The following JARID2 variants were observed in gnomAD, a reference collection of about 807,000 sequenced individuals.
JARID2 encodes protein Jumonji.
A neutral mutation model predicts 125.6 loss-of-function variants in JARID2; 21 were observed. The ratio of observed to expected loss-of-function variants is 0.17; its 90% CI spans 0.12 to 0.24. The LOEUF (loss-of-function observed/expected upper bound fraction) is 0.24. Among genes scored for constraint, JARID2 ranks in the 10% least tolerant of loss-of-function variants. JARID2 has a pLI of 1.00. For missense variants in JARID2, 1,303 were observed against 1,639.6 expected (o/e 0.79, Z 3.55); for synonymous variants, 736 against 661.6 (o/e 1.11, Z -1.73).
At chr6:15,453,576 G>A (rs1021359168) in intron 4 of JARID2, among the ~76,000 whole-genome samples, 3 of 152,192 alleles carry the variant, frequency 2.0e-5, no homozygotes, top group African/African-American at 7.2e-5. Context: ...CAGTGTATAA[G>A]TGTTAAGAGA....
chr6:15,461,574 C>T (rs1279368945), intron 4 of JARID2, among the ~76,000 whole-genome samples: 6 of 152,148 alleles, frequency 3.9e-5, no homozygotes, highest in Non-Finnish European at 7.3e-5. Flanking sequence ...CATTTTCATC[C>T]CCTGTCTCCC....
chr6:15,423,104 A>G (rs1413802724), intron 3 of JARID2, among the ~76,000 whole-genome samples: 1 of 150,818 alleles, frequency 6.6e-6, no homozygotes, highest in South Asian at 2.1e-4. Context: ...GGTGCAAGTG[A>G]TCCTCCTGTC....
chr6:15,448,069 A>G (rs1767752480), intron 3 of JARID2, among the ~76,000 whole-genome samples: 1 of 152,222 alleles, frequency 6.6e-6, no homozygotes, highest in African/African-American at 2.4e-5. Flanking sequence ...GCCACACTGC[A>G]GACCTACCCT....
chr6:15,472,512 C>T (rs185304289), intron 5 of JARID2, among the ~76,000 whole-genome samples: 1 of 152,290 alleles, frequency 6.6e-6, no homozygotes, highest in Admixed American at 6.5e-5. Context: ...CTGCCCCCAA[C>T]CTCCAAGTGT....
In JARID2 at chr6:15,252,751, CTT is replaced by C. The variant is rs1431496859; in HGVS notation, c.45+6169_45+6170del. 5.2e-4 allele frequency among the ~76,000 whole-genome samples: 73 copies of C among 141,724 alleles called. 1 individual carries two copies. The East Asian group carries it at 0.014, about 28-fold the overall frequency. The allele number at this position is 141,724 out of a possible 152,430, so 93.0% of individuals were successfully genotyped here. A position where few individuals can be genotyped will look rare whatever the true frequency, so the allele number is the denominator to read the frequency against. ...TCTGTTTTTTCATGTGCTCAATTAT[CTT>C]TCGTTTTTTTTCCGTCCTCCAGATA... On this transcript the variant is annotated intron_variant, in intron 1 of 17. Transcript: ENST00000341776.
At chr6:15,407,628 C>T (rs180934522) in intron 2 of JARID2, among the ~76,000 whole-genome samples, 4 of 152,208 alleles carry the variant, frequency 2.6e-5, no homozygotes, top group Non-Finnish European at 5.9e-5. Flanking sequence ...TATAGCTCTT[C>T]TTCCTCCTTG....
In JARID2 at chr6:15,255,035, AC is replaced by A. The variant is rs200300663; in HGVS notation, c.45+8452del. ...AAACAAAACAAAAAACAAAAAAAAAACACCACAAAAACACACAAAAACAACC... is the reference window on the plus strand; with the variant it reads ...AAACAAAACAAAAAACAAAAAAAAAAACCACAAAAACACACAAAAACAACC... On this transcript the variant is annotated intron_variant, in intron 1 of 17. Coordinates refer to ENST00000341776, the MANE Select transcript of JARID2 (RefSeq NM_004973.4). 2.8e-3 allele frequency among the ~76,000 whole-genome samples: 421 copies of A among 151,786 alleles called. 2 individuals carry two copies. The highest frequency in any genetic ancestry group is 7.2e-3 in the African/African-American group (297 of 41,410).
At chr6:15,263,948 C>G (rs549413247) in intron 1 of JARID2, among the ~76,000 whole-genome samples, 3 of 152,126 alleles carry the variant, frequency 2.0e-5, no homozygotes, top group East Asian at 1.9e-4. Flanking sequence ...ACTGGAGTGC[C>G]GTGACGTGAA....
chr6:15,313,779 T>A (rs794792), intron 1 of JARID2, among the ~76,000 whole-genome samples: 14,897 of 152,204 alleles, frequency 0.098, 912 homozygotes, highest in Non-Finnish European at 0.13. Context: ...AGAAAATGAA[T>A]TTCTTCTTAC....
At chr6:15,250,333 T>C (rs1285425040) in intron 1 of JARID2, among the ~76,000 whole-genome samples, 2 of 152,220 alleles carry the variant, frequency 1.3e-5, no homozygotes, top group Non-Finnish European at 2.9e-5. Flanking sequence ...GGTTTTTTGT[T>C]TTAAAACTTA....
intron 1 of JARID2, among the ~76,000 whole-genome samples, chr6:15,270,414 G>C (rs571335023): frequency 2.0e-5 from 3 of 152,156 alleles, no homozygotes; most frequent in Non-Finnish European, 4.4e-5. Context: ...TTACAGGCAC[G>C]AGCCACTGCA....
intron 1 of JARID2, among the ~76,000 whole-genome samples, chr6:15,340,334 T>C (rs558709652): frequency 6.6e-6 from 1 of 152,342 alleles, no homozygotes; most frequent in South Asian, 2.1e-4. Flanking sequence ...GCAGGTACAA[T>C]AATGGGCTGA....
At chr6:15,273,950 A>G (rs1357321781) in intron 1 of JARID2, among the ~76,000 whole-genome samples, 4 of 141,968 alleles carry the variant, frequency 2.8e-5, no homozygotes, top group East Asian at 2.1e-4. Context: ...TTTTTTTAAG[A>G]TGGAGTCTCG....
intron 5 of JARID2, among the ~76,000 whole-genome samples, chr6:15,478,748 C>T (rs1052287771): frequency 3.9e-5 from 6 of 152,072 alleles, no homozygotes; most frequent in Non-Finnish European, 7.4e-5. Flanking sequence ...CGGCTCACTG[C>T]AGTCTCCACC....
intron 1 of JARID2, among the ~76,000 whole-genome samples, chr6:15,284,781 CTG>C (rs2127384614): frequency 6.6e-6 from 1 of 152,288 alleles, no homozygotes; most frequent in Non-Finnish European, 1.5e-5. Flanking sequence ...GCCACTGTGC[CTG>C]GCTGTTTTAT....
intron 5 of JARID2, among the ~76,000 whole-genome samples, chr6:15,473,287 C>T (rs1418548823): frequency 2.6e-5 from 4 of 152,158 alleles, no homozygotes; most frequent in Non-Finnish European, 2.9e-5. Context: ...CTGACGTAAG[C>T]GCTCTGAAAG....
chr6:15,446,151 G>A (rs1027751067), intron 3 of JARID2, among the ~76,000 whole-genome samples: 2 of 152,178 alleles, frequency 1.3e-5, no homozygotes, highest in Admixed American at 6.5e-5. Flanking sequence ...CATGAGTGAT[G>A]GGTTGTATAA....
intron 1 of JARID2, among the ~76,000 whole-genome samples, chr6:15,363,756 C>T (rs1210498169): frequency 6.6e-6 from 1 of 152,060 alleles, no homozygotes; most frequent in African/African-American, 2.4e-5. Context: ...GGTGGACACA[C>T]GTTATTAGTG....
intron 1 of JARID2, among the ~76,000 whole-genome samples, chr6:15,286,377 G>A (rs1428567074): frequency 2.0e-5 from 3 of 150,868 alleles, no homozygotes; most frequent in Admixed American, 2.0e-4. Flanking sequence ...TCAGCCGCCC[G>A]AGTAGCTGGG....
Sources: gnomAD v4.1 joint callset for allele counts (sites outside exome capture counted in the v4.1 genomes callset) on GRCh38, gnomAD v4.1.1 for gene constraint, MANE v1.5 for transcripts, NCBI Gene and HGNC (gene_info 2026-07-23, HGNC 2026-07-21) for gene names.